TBC1D16: variants seen among roughly 807,000 people sequenced by gnomAD.
The protein encoded by TBC1D16 is CTD-2529O21.1.
TBC1D16 carries 58 observed loss-of-function variants against 74.7 expected under a neutral mutation model. The observed-to-expected ratio is 0.78, with a 90% CI of 0.63 to 0.97. The LOEUF is 0.97. Among genes scored for constraint, TBC1D16 ranks in the 50% least tolerant of loss-of-function variants. The pLI, the probability that TBC1D16 is intolerant of heterozygous loss-of-function variation, is 0.00. For synonymous variants in TBC1D16, 493 were observed against 474.7 expected, an observed-to-expected ratio of 1.04 and a Z score of -0.50; for missense variants, 1,014 against 1,079.5, an observed-to-expected ratio of 0.94 and a Z score of 0.85.
Position 79,980,470 on chromosome 17 carries a change from G to A in TBC1D16, c.780-27652C>T, listed in dbSNP as rs2034533071. Among the ~76,000 whole-genome samples, 1 of 152,138 alleles carries A rather than the reference G, an allele frequency of 6.6e-6. No homozygotes were observed. Among genetic ancestry groups the A allele is most frequent in the African/African-American group, 2.4e-5 (1 of 41,414 alleles). ...CTGGGCCGCTACGTTGTGGGGTGGTGTAACCAGGGTTTGTCCAGAAAAAGA... is the reference window on the plus strand; with the variant it reads ...CTGGGCCGCTACGTTGTGGGGTGGTATAACCAGGGTTTGTCCAGAAAAAGA... On this transcript the variant is annotated intron_variant, in intron 3 of 11. Coordinates refer to ENST00000310924, the MANE Select transcript of TBC1D16 (RefSeq NM_019020.4). This position sits in a 1 kb window ranked among gnomAD's most constrained non-coding sequence, Gnocchi z 7.0.
chr17:79,959,016 A>AT (rs1433743327), intron 3 of TBC1D16, among the ~76,000 whole-genome samples: 1 of 152,248 alleles, frequency 6.6e-6, no homozygotes, highest in Non-Finnish European at 1.5e-5. Context: ...TTATAAAACA[A>AT]TCTTTAGAAC....
At position 79,941,218 on chromosome 17, in the gene TBC1D16, G is replaced by T. The variant is rs1008039157; in HGVS notation, c.2056-111C>A. On this transcript the variant is annotated intron_variant, in intron 11 of 11. Coordinates refer to ENST00000310924, the MANE Select transcript of TBC1D16 (RefSeq NM_019020.4). This position sits in a 1 kb window ranked among gnomAD's most constrained non-coding sequence, Gnocchi z 4.3. ...CAGCAGCAACAACGGCCTGCACCTC[G>T]GGGGCTCACCGAGTCCTGGACTGAG... 1 of 1,097,098 alleles carries T rather than the reference G, an allele frequency of 9.1e-7. No individual in the cohort carries two copies. The highest frequency in any genetic ancestry group is 1.3e-6 in the Non-Finnish European group (1 of 776,668). 68.0% of individuals were successfully genotyped at this position (1,097,098 alleles called of 1,614,324 possible). A position where few individuals can be genotyped will look rare whatever the true frequency, so the allele number is the denominator to read the frequency against.
rs1011062362 is a variant in TBC1D16, at chr17:80,008,668, T to C, written c.779+1492A>G. 2.2e-4 allele frequency among the ~76,000 whole-genome samples: 33 copies of C among 152,174 alleles called. No individual in the cohort carries two copies. The highest frequency in any genetic ancestry group is 4.1e-4 in the Non-Finnish European group (28 of 68,032). ...CTCCCCCACACCTCCTCGGGTTCCC[T>C]GGCGCCTGACGCCACCCAGCTCAGC... is the stretch of plus-strand genomic sequence containing the variant. On this transcript the variant is annotated intron_variant, in intron 3 of 11. Coordinates refer to ENST00000310924, the MANE Select transcript of TBC1D16 (RefSeq NM_019020.4). This position sits in a 1 kb window ranked among gnomAD's most constrained non-coding sequence, Gnocchi z 4.5.
chr17:79,941,125 G>C lies in TBC1D16; in HGVS notation c.2056-18C>G, dbSNP rs778146485. On this transcript the variant is annotated intron_variant, in intron 11 of 11. Coordinates refer to ENST00000310924, the MANE Select transcript of TBC1D16 (RefSeq NM_019020.4). This position sits in a 1 kb window ranked among gnomAD's most constrained non-coding sequence, Gnocchi z 4.3. ...CTCCTCGCCTGCAGACAGAGGACGGGGGGTGAGGAGGGGCCGGGGGACAGC... is the reference window on the plus strand; with the variant it reads ...CTCCTCGCCTGCAGACAGAGGACGGCGGGTGAGGAGGGGCCGGGGGACAGC... 6 of 1,545,360 alleles carry C rather than the reference G, an allele frequency of 3.9e-6. No homozygotes were observed. Among genetic ancestry groups the C allele is most frequent in the South Asian group, 3.6e-5 (3 of 84,312 alleles).
rs1260773879 is a variant in TBC1D16 at position 79,940,964 on chromosome 17, C to T, written c.2199G>A (p.Glu733=). 5.0e-6 allele frequency: 8 copies of T among 1,603,830 alleles called. No individual in the cohort carries two copies. The highest frequency in any genetic ancestry group is 2.7e-5 in the African/African-American group (2 of 74,686). ...CCACCGTGCCCCCGTAGGGACAGCT[C>T]TCCGAGCCGGGATGGTGGCCGGTGC... The part of the protein sequence containing the change: ...VECTGHHPGS[E]SCPYGGTVEM... The change falls in exon 12 of 12, where the codon GAG becomes GAA. Residue 733 remains glutamate (E), a synonymous_variant. Coordinates refer to ENST00000310924, the MANE Select transcript of TBC1D16 (RefSeq NM_019020.4). The surrounding 1 kb of genome is among the most constrained non-coding windows in gnomAD (Gnocchi z 5.4).
chr17:79,954,947 G>C lies in TBC1D16; in HGVS notation c.780-2129C>G, dbSNP rs2033265261. ...AGACAGAACACAGAGACTCGCTTTG[G>C]CAGTCACGGATGGAGGGCCCCCTCC... On this transcript the variant is annotated intron_variant, in intron 3 of 11. Coordinates refer to ENST00000310924, the MANE Select transcript of TBC1D16 (RefSeq NM_019020.4). This position sits in a 1 kb window ranked among gnomAD's most constrained non-coding sequence, Gnocchi z 5.5. Among the ~76,000 whole-genome samples the C allele has an allele frequency of 6.6e-6, 1 of 152,110 alleles. No homozygotes were observed. Among genetic ancestry groups the C allele is most frequent in the Non-Finnish European group, 1.5e-5 (1 of 68,020 alleles).
At chr17:79,951,344 C>A in intron 5 of TBC1D16, 106 bp downstream of exon 5, 1 of 1,405,070 alleles carries the variant, frequency 7.1e-7, no homozygotes, top group South Asian at 1.4e-5. Flanking sequence ...CCCCGTAAGC[C>A]CCCGGGGCCC....
At chr17:80,005,044 G>A (rs188558341) in intron 3 of TBC1D16, among the ~76,000 whole-genome samples, 3 of 152,038 alleles carry the variant, frequency 2.0e-5, no homozygotes, top group Admixed American at 6.6e-5. Flanking sequence ...TTCACTTAGG[G>A]AGCAGAATCT....
intron 3 of TBC1D16, among the ~76,000 whole-genome samples, chr17:79,984,954 G>C (rs1304884964): frequency 9.8e-5 from 14 of 142,884 alleles, no homozygotes; most frequent in African/African-American, 3.1e-4. Flanking sequence ...CTATGTTTTG[G>C]GGGCTGCGTT....
Position 80,009,375 on chromosome 17 carries a change from C to A in TBC1D16, c.779+785G>T, listed in dbSNP as rs924007095. On this transcript the variant is annotated intron_variant, in intron 3 of 11. Coordinates refer to ENST00000310924, the MANE Select transcript of TBC1D16 (RefSeq NM_019020.4). The surrounding 1 kb of genome is among the most constrained non-coding windows in gnomAD (Gnocchi z 5.4). ...GGGGCTCCGGGCTTATGCGACCACACGGGCACTCACCCCAAGGCCATGAGG... is the reference window on the plus strand; with the variant it reads ...GGGGCTCCGGGCTTATGCGACCACAAGGGCACTCACCCCAAGGCCATGAGG... 2.0e-5 allele frequency among the ~76,000 whole-genome samples: 3 copies of A among 152,224 alleles called. No homozygotes were observed. Among genetic ancestry groups the A allele is most frequent in the Non-Finnish European group, 2.9e-5 (2 of 68,022 alleles).
rs777736976 is a variant in TBC1D16 at position 80,013,402 on chromosome 17, G to A, written c.146C>T (p.Pro49Leu). Residue 49 changes from proline to leucine, a missense_variant, in exon 2 of 12, where the codon CCG becomes CTG. By Grantham distance (98) the Pro-to-Leu change is moderately conservative. Transcript: ENST00000310924. ...YSKNNVCVHP[P>L]EGLQGLGEHH... ...CTCCCCCAGCCCCTGCAGCCCCTCC[G>A]GCGGGTGCACGCAGACATTGTTCTT... 58 of 1,608,972 alleles carry A rather than the reference G, an allele frequency of 3.6e-5. No individual in the cohort carries two copies. The highest frequency in any genetic ancestry group is 4.3e-5 in the Non-Finnish European group (51 of 1,178,174).
intron 9 of TBC1D16, among the ~76,000 whole-genome samples, chr17:79,945,793 C>G (rs1338162390): frequency 1.3e-5 from 2 of 152,380 alleles, no homozygotes; most frequent in South Asian, 2.1e-4. Context: ...GTCACACACA[C>G]CCGTTGATGC....
chr17:80,028,006 C>T (rs935739946), intron 1 of TBC1D16, among the ~76,000 whole-genome samples: 2 of 151,766 alleles, frequency 1.3e-5, no homozygotes, highest in African/African-American at 2.4e-5. Flanking sequence ...ACGGTGATGT[C>T]CTTGTTGGTT....
intron 3 of TBC1D16, among the ~76,000 whole-genome samples, chr17:79,969,910 G>T (rs1174802609): frequency 1.3e-5 from 2 of 152,030 alleles, no homozygotes; most frequent in East Asian, 3.9e-4. Context: ...CCATTGCACT[G>T]CAGCCTAGGC....
In TBC1D16 at chr17:79,952,772, C is replaced by CGTTGCT. The variant is rs1568584023; in HGVS notation, c.820_825dup (p.Ser274_Asn275dup). On this transcript the variant is annotated inframe_insertion, in exon 4 of 12. Transcript: ENST00000310924. Reference sequence around the variant, plus strand: ...TCCCAGCGTGGGGTCTGCAGGAGGCCGTTGCTGTCCGGGAACCGCAGGCCG... The same window carrying CGTTGCT: ...TCCCAGCGTGGGGTCTGCAGGAGGCCGTTGCTGTTGCTGTCCGGGAACCGCAGGCCG... 4 of 1,611,784 alleles carry CGTTGCT rather than the reference C, an allele frequency of 2.5e-6. No homozygotes were observed. The Admixed American group carries it at 6.7e-5, about 27-fold the overall frequency.
chr17:79,944,467 C>T lies in TBC1D16; in HGVS notation c.1908+441G>A, dbSNP rs2032330970. Among the ~76,000 whole-genome samples the T allele has an allele frequency of 6.6e-6, 1 of 152,114 alleles. No homozygotes were observed. On this transcript the variant is annotated intron_variant, in intron 10 of 11. Coordinates refer to ENST00000310924, the MANE Select transcript of TBC1D16 (RefSeq NM_019020.4). The surrounding 1 kb of genome is among the most constrained non-coding windows in gnomAD (Gnocchi z 7.7). ...ACTGATTGGGGCCCTCTGGAGGGGC[C>T]GACAGGGAAGTGGGATCTCAGGCCC...
In TBC1D16 at chr17:79,950,351, G is replaced by T. The variant is rs1173375727; in HGVS notation, c.1257+60C>A. ...CAGGCCCCGGCCCTCCTTCCCTCTC[G>T]CTCGTTCCCGGTTCCCGGCCGGCTC... On this transcript the variant is annotated intron_variant, in intron 6 of 11. Transcript: ENST00000310924. The surrounding 1 kb of genome is among the most constrained non-coding windows in gnomAD (Gnocchi z 4.6). The T allele has an allele frequency of 6.6e-7, 1 of 1,516,346 alleles. No homozygotes were observed. Among genetic ancestry groups the T allele is most frequent in the South Asian group, 1.3e-5 (1 of 77,234 alleles). The allele number at this position is 1,516,346 out of a possible 1,614,324, so 93.9% of individuals were successfully genotyped here.
At position 79,944,024 on chromosome 17, in the gene TBC1D16, G is replaced by A; in HGVS notation, c.1908+884C>T. On this transcript the variant is annotated intron_variant, in intron 10 of 11. Coordinates refer to ENST00000310924, the MANE Select transcript of TBC1D16 (RefSeq NM_019020.4). The surrounding 1 kb of genome is among the most constrained non-coding windows in gnomAD (Gnocchi z 7.7). ...GAGGGAAACCTAGACCCGGGCCAGG[G>A]GCGAGCCGATGACCGCATGCAAAGG... The A allele has an allele frequency of 6.5e-7, 1 of 1,535,400 alleles. No individual in the cohort carries two copies. Among genetic ancestry groups the A allele is most frequent in the Non-Finnish European group, 8.7e-7 (1 of 1,146,504 alleles).
intron 3 of TBC1D16, among the ~76,000 whole-genome samples, chr17:79,976,186 C>T (rs995540948): frequency 6.6e-6 from 1 of 152,232 alleles, no homozygotes; most frequent in Admixed American, 6.5e-5. Flanking sequence ...ATGCAAGAGC[C>T]CTGCTCCTCT....
Sources: gnomAD v4.1 joint callset for allele counts (sites outside exome capture counted in the v4.1 genomes callset) on GRCh38, gnomAD v4.1.1 for gene constraint, Gnocchi (gnomAD v3.1) non-coding constraint, MANE v1.5 for transcripts, NCBI Gene and HGNC (gene_info 2026-07-23, HGNC 2026-07-21) for gene names.